Variants in MGMT observed in about 807,000 individuals in gnomAD.
The protein encoded by MGMT is methylated-DNA--protein-cysteine methyltransferase.
MGMT carries 14 observed loss-of-function variants against 15.9 expected under a neutral mutation model. The observed-to-expected ratio is 0.88, with a 90% CI of 0.58 to 1.37. The LOEUF (loss-of-function observed/expected upper bound fraction) is 1.37, where lower values mean the gene tolerates loss of function less well. Ranked by LOEUF, MGMT falls within the 40% of genes most tolerant of loss-of-function variation. The pLI is 0.00. For missense variants in MGMT, 282 were observed against 268.1 expected, an observed-to-expected ratio of 1.05 and a Z score of -0.36; for synonymous variants, 130 against 118.2, an observed-to-expected ratio of 1.10 and a Z score of -0.65.
intron 3 of MGMT, among the ~76,000 whole-genome samples, chr10:129,719,512 G>T (rs1406703658): frequency 6.6e-6 from 1 of 152,202 alleles, no homozygotes; most frequent in Non-Finnish European, 1.5e-5. Flanking sequence ...CAGGGTGTCA[G>T]CTACTCAGAC....
intron 2 of MGMT, among the ~76,000 whole-genome samples, chr10:129,649,571 C>T (rs2133096395): frequency 6.6e-6 from 1 of 152,284 alleles, no homozygotes; most frequent in East Asian, 1.9e-4. Context: ...TAATTGGTCA[C>T]ATCAGAGACA....
At chr10:129,728,808 A>G (rs1233589396) in intron 3 of MGMT, among the ~76,000 whole-genome samples, 4 of 151,860 alleles carry the variant, frequency 2.6e-5, no homozygotes, top group Admixed American at 1.3e-4. Context: ...GCCAGCCCCA[A>G]TGCCCCCGCC....
chr10:129,627,891 A>T (rs1314083129), intron 2 of MGMT, among the ~76,000 whole-genome samples: 4 of 152,148 alleles, frequency 2.6e-5, no homozygotes, highest in Non-Finnish European at 4.4e-5. Flanking sequence ...AGTAAATTAT[A>T]TTCCTGCTTT....
intron 2 of MGMT, among the ~76,000 whole-genome samples, chr10:129,555,130 G>A (rs1846198642): frequency 6.6e-6 from 1 of 152,260 alleles, no homozygotes; most frequent in Middle Eastern, 3.4e-3. Flanking sequence ...TCCTAAGGTC[G>A]CCCCTGCGTG....
intron 3 of MGMT, among the ~76,000 whole-genome samples, chr10:129,738,998 A>G (rs1047299630): frequency 3.9e-5 from 6 of 152,238 alleles, no homozygotes; most frequent in African/African-American, 9.6e-5. Context: ...GGCTGGTTCA[A>G]CATACACAAA....
At chr10:129,725,444 T>C (rs187879599) in intron 3 of MGMT, among the ~76,000 whole-genome samples, 4 of 152,382 alleles carry the variant, frequency 2.6e-5, no homozygotes, top group Admixed American at 1.3e-4. Flanking sequence ...TTCTCTAATA[T>C]TTCCACAGCC....
Position 129,513,340 on chromosome 10 carries a change from T to C in MGMT, c.-12-22901T>C, listed in dbSNP as rs904271359. On this transcript the variant is annotated intron_variant, in intron 1 of 4. Transcript: ENST00000651593. ...ATGGATACACAACTTTGTGAATGTATTTAATGCCACTGAATTACACACTTA... is the reference window on the plus strand; with the variant it reads ...ATGGATACACAACTTTGTGAATGTACTTAATGCCACTGAATTACACACTTA... Among the ~76,000 whole-genome samples the C allele has an allele frequency of 1.3e-4, 20 of 152,248 alleles. 1 individual carries two copies. Among genetic ancestry groups the C allele is most frequent in the Admixed American group, 1.3e-3 (20 of 15,282 alleles).
At chr10:129,501,742 G>T (rs554221489) in intron 1 of MGMT, among the ~76,000 whole-genome samples, 1 of 152,282 alleles carries the variant, frequency 6.6e-6, no homozygotes, top group Non-Finnish European at 1.5e-5. Flanking sequence ...CATGTTTCTT[G>T]TCCAACACTA....
rs370137440 is a variant in MGMT at position 129,482,822 on chromosome 10, T to G, written c.-13+15526T>G. ...GTTTCTTGTAGAAAACACAGTTGGG[T>G]CTCTTGCTTTAAAAAATCTAATCTG... On this transcript the variant is annotated intron_variant, in intron 1 of 4. Transcript: ENST00000651593. 5.9e-5 allele frequency among the ~76,000 whole-genome samples: 9 copies of G among 152,128 alleles called. No individual in the cohort carries two copies. In the East Asian group the frequency reaches 1.5e-3, roughly 26 times the overall value.
Position 129,661,767 on chromosome 10 carries a change from G to A in MGMT, c.126-46128G>A, listed in dbSNP as rs577466290. 4.7e-4 allele frequency among the ~76,000 whole-genome samples: 71 copies of A among 152,244 alleles called. 1 individual carries two copies. Among genetic ancestry groups the A allele is most frequent in the South Asian group, 2.1e-4 (1 of 4,816 alleles). ...CCAGTTTTGAGTCCTGCTTTGAAGC[G>A]CCACTGTAAGATTTCGAAAAAGGAC... On this transcript the variant is annotated intron_variant, in intron 2 of 4. Transcript: ENST00000651593.
chr10:129,682,651 T>C (rs919434339), intron 2 of MGMT, among the ~76,000 whole-genome samples: 2 of 152,204 alleles, frequency 1.3e-5, no homozygotes, highest in African/African-American at 4.8e-5. Flanking sequence ...AAAATGTTTG[T>C]AAAAACTGGT....
rs577832323 is a variant in MGMT at position 129,676,421 on chromosome 10, C to T, written c.126-31474C>T. Among the ~76,000 whole-genome samples the T allele has an allele frequency of 3.3e-5, 5 of 152,278 alleles. 1 individual carries two copies. Among genetic ancestry groups the T allele is most frequent in the South Asian group, 2.1e-4 (1 of 4,822 alleles). ...GGAGAAGGGCTCATGGCAGAGCAAG[C>T]GCAGTGGACCCTCTCCCTCTGGCCA... is the stretch of plus-strand genomic sequence containing the variant. On this transcript the variant is annotated intron_variant, in intron 2 of 4. Transcript: ENST00000651593.
intron 2 of MGMT, among the ~76,000 whole-genome samples, chr10:129,620,443 G>A (rs1307751718): frequency 2.0e-5 from 3 of 152,200 alleles, no homozygotes; most frequent in South Asian, 4.1e-4. Flanking sequence ...TCTGCAACTC[G>A]AATTATGGAT....
intron 3 of MGMT, among the ~76,000 whole-genome samples, chr10:129,745,677 A>G (rs1848686824): frequency 6.6e-6 from 1 of 151,942 alleles, no homozygotes; most frequent in Admixed American, 6.6e-5. Flanking sequence ...ATGATATCTC[A>G]TTGTTTTCAT....
chr10:129,515,468 C>T (rs542316928), intron 1 of MGMT, among the ~76,000 whole-genome samples: 77 of 151,948 alleles, frequency 5.1e-4, no homozygotes, highest in Non-Finnish European at 9.3e-4. Flanking sequence ...CTTGATAGCA[C>T]GTGTCCTGTC....
chr10:129,580,219 G>C (rs923555992), intron 2 of MGMT, among the ~76,000 whole-genome samples: 1 of 152,224 alleles, frequency 6.6e-6, no homozygotes, highest in Admixed American at 6.5e-5. Flanking sequence ...CTGTGCCCGG[G>C]GGGGCGGGAC....
At chr10:129,764,301 C>A (rs1466006176) in intron 4 of MGMT, among the ~76,000 whole-genome samples, 2 of 152,212 alleles carry the variant, frequency 1.3e-5, no homozygotes, top group Non-Finnish European at 2.9e-5. Flanking sequence ...CACACCCGCT[C>A]CCAGGGGCTT....
intron 1 of MGMT, among the ~76,000 whole-genome samples, chr10:129,495,513 G>A (rs1845511606): frequency 6.6e-6 from 1 of 152,194 alleles, no homozygotes; most frequent in African/African-American, 2.4e-5. Flanking sequence ...TTTGCTGATT[G>A]TGACTCATCA....
intron 1 of MGMT, among the ~76,000 whole-genome samples, chr10:129,531,822 T>C (rs1390076659): frequency 1.3e-5 from 2 of 151,334 alleles, no homozygotes; most frequent in African/African-American, 4.9e-5. Context: ...GGGTTCCAGC[T>C]CATTGTTGTG....
Sources: gnomAD v4.1 joint callset for allele counts (sites outside exome capture counted in the v4.1 genomes callset) on GRCh38, gnomAD v4.1.1 for gene constraint, MANE v1.5 for transcripts, NCBI Gene and HGNC (gene_info 2026-07-23, HGNC 2026-07-21) for gene names.